The following RBFOX2 variants were observed in gnomAD, a reference collection of about 807,000 sequenced individuals.
The protein encoded by RBFOX2 is RNA binding fox-1 homolog 2, also known as RNA binding protein fox-1 homolog 2.
A neutral mutation model predicts 49.1 loss-of-function variants in RBFOX2; 10 were observed. The ratio of observed to expected loss-of-function variants is 0.20; its 90% CI spans 0.13 to 0.35. The LOEUF is 0.35. RBFOX2 is among the 10% of genes least tolerant of loss of function. RBFOX2 has a pLI of 1.00. For missense variants in RBFOX2, 323 were observed against 486.9 expected (o/e 0.66, Z 3.17); for synonymous variants, 183 against 187.4 (o/e 0.98, Z 0.19).
chr22:35,780,143 T>C (rs1944813726), intron 3 of RBFOX2, among the ~76,000 whole-genome samples: 1 of 152,168 alleles, frequency 6.6e-6, no homozygotes, highest in Non-Finnish European at 1.5e-5. Context: ...CCATTTTCTG[T>C]GTAAAAGCTC....
At chr22:35,855,956 G>C (rs138002365) in intron 1 of RBFOX2, among the ~76,000 whole-genome samples, 2 of 151,908 alleles carry the variant, frequency 1.3e-5, no homozygotes, top group East Asian at 3.9e-4. Context: ...GCAGTGAGCT[G>C]AGATTGTGCC....
intron 1 of RBFOX2, chr22:35,897,746 T>C: frequency 1.3e-6 from 1 of 787,712 alleles, no homozygotes; most frequent in Non-Finnish European, 2.3e-6. Context: ...AACCAACACA[T>C]ATTTGCAAAA....
At chr22:35,994,413 A>ATTTTTTT (rs566321525) in intron 1 of RBFOX2, 1 of 149,848 alleles carries the variant, frequency 6.7e-6, no homozygotes, top group African/African-American at 2.5e-5. Flanking sequence ...TTATTTATTT[A>ATTTTTTT]TTTATTTTTT....
chr22:36,013,626 A>AAT (rs1569523288), intron 1 of RBFOX2, among the ~76,000 whole-genome samples: 1 of 146,076 alleles, frequency 6.8e-6, no homozygotes, highest in African/African-American at 2.6e-5. Flanking sequence ...GCATCACACA[A>AAT]ACACACACAC....
At chr22:35,823,420 A>T (rs1954961376) in intron 1 of RBFOX2, among the ~76,000 whole-genome samples, 1 of 152,206 alleles carries the variant, frequency 6.6e-6, no homozygotes, top group Non-Finnish European at 1.5e-5. Flanking sequence ...GCTTTTCCAG[A>T]AATTTAATAA....
intron 1 of RBFOX2, among the ~76,000 whole-genome samples, chr22:35,922,779 G>A (rs562319620): frequency 2.6e-5 from 4 of 152,100 alleles, no homozygotes; most frequent in Non-Finnish European, 5.9e-5. Flanking sequence ...AGTTTTACTA[G>A]AATAGAGCCA....
chr22:35,776,294 T>C (rs746163215), intron 4 of RBFOX2, among the ~76,000 whole-genome samples: 4 of 152,240 alleles, frequency 2.6e-5, no homozygotes, highest in Non-Finnish European at 5.9e-5. Flanking sequence ...GGTTGCAGTC[T>C]GAATAGACTT....
chr22:35,887,916 G>A (rs1045937341), intron 1 of RBFOX2, among the ~76,000 whole-genome samples: 8 of 152,066 alleles, frequency 5.3e-5, no homozygotes, highest in Non-Finnish European at 2.9e-5. Flanking sequence ...TTTGACCCCT[G>A]TGGCAATTCT....
chr22:35,957,996 T>C (rs142949313), intron 1 of RBFOX2, among the ~76,000 whole-genome samples: 127 of 152,262 alleles, frequency 8.3e-4, no homozygotes, highest in Admixed American at 1.2e-3. Context: ...CCTCAGAGTA[T>C]AAAAGAAATA....
At chr22:35,840,076 GTCTGT>G in intron 1 of RBFOX2, 2 of 1,369,530 alleles carry the variant, frequency 1.5e-6, no homozygotes, top group African/African-American at 2.9e-5. Flanking sequence ...AATAAATCTG[GTCTGT>G]TCTAAGAAGA....
At position 35,908,454 on chromosome 22, in the gene RBFOX2, C is replaced by T. The variant is rs564259158; in HGVS notation, c.-34+30393G>A. On this transcript the variant is annotated intron_variant, in intron 1 of 13. Transcript: ENST00000359369. The stretch of plus-strand genomic sequence containing the variant: ...TTGGGTAAAATCATTTAACACAATG[C>T]CTATTTTATAATAAAGTGTTGAATA... Among the ~76,000 whole-genome samples, 16 of 152,132 alleles carry T rather than the reference C, an allele frequency of 1.1e-4. No homozygotes were observed. In the South Asian group the frequency reaches 2.3e-3, roughly 22 times the overall value.
intron 1 of RBFOX2, among the ~76,000 whole-genome samples, chr22:35,927,125 G>GTTA (rs1402651436): frequency 6.6e-6 from 1 of 152,156 alleles, no homozygotes; most frequent in African/African-American, 2.4e-5. Context: ...ATACAGACAT[G>GTTA]TTAAACGATT....
At chr22:35,775,198 C>A (rs1306966671) in intron 4 of RBFOX2, among the ~76,000 whole-genome samples, 1 of 152,092 alleles carries the variant, frequency 6.6e-6, no homozygotes, top group Non-Finnish European at 1.5e-5. Context: ...GGGTTTGATT[C>A]CAAAATAAAT....
intron 2 of RBFOX2, among the ~76,000 whole-genome samples, chr22:35,783,701 T>C (rs1006956187): frequency 1.3e-5 from 2 of 152,154 alleles, no homozygotes; most frequent in East Asian, 3.8e-4. Flanking sequence ...GGTCTTCTGA[T>C]GAGAAAGCCA....
intron 1 of RBFOX2, among the ~76,000 whole-genome samples, chr22:35,921,824 C>T (rs573124214): frequency 9.2e-4 from 140 of 152,316 alleles, no homozygotes; most frequent in African/African-American, 3.2e-3. Flanking sequence ...AGTTCTGTGC[C>T]TGTCTGGTAA....
rs939277423 is a variant in RBFOX2 at position 36,015,226 on chromosome 22, G to A, written c.186+13014C>T. Among the ~76,000 whole-genome samples, 5 of 152,206 alleles carry A rather than the reference G, an allele frequency of 3.3e-5. 1 individual carries two copies. In the South Asian group the frequency reaches 1.0e-3, roughly 31 times the overall value. Reference sequence around the variant, plus strand: ...GTCATGTATGAAACTATGACTTCTAGTTCAAATATAACACAAAACATAGTA... The same window carrying A: ...GTCATGTATGAAACTATGACTTCTAATTCAAATATAACACAAAACATAGTA... On this transcript the variant is annotated intron_variant, in intron 1 of 13. Coordinates refer to the RBFOX2 transcript ENST00000438146.
chr22:35,963,733 T>C (rs779647237), upstream of RBFOX2, among the ~76,000 whole-genome samples: 9 of 152,124 alleles, frequency 5.9e-5, no homozygotes, highest in Non-Finnish European at 1.3e-4. Context: ...CACTAGTATA[T>C]ATTCTTTTTG....
chr22:35,994,400 T>TATTG (rs2058101471), intron 1 of RBFOX2: 1 of 150,044 alleles, frequency 6.7e-6, no homozygotes, highest in African/African-American at 2.5e-5. Flanking sequence ...TTTATTTATT[T>TATTG]ATTTATTTAT....
intron 9 of RBFOX2, among the ~76,000 whole-genome samples, chr22:35,750,234 G>A (rs892024696): frequency 6.6e-6 from 1 of 152,124 alleles, no homozygotes; most frequent in Non-Finnish European, 1.5e-5. Context: ...GAGATTTAGA[G>A]TGAGATGTTA....
Sources: gnomAD v4.1 joint callset for allele counts (sites outside exome capture counted in the v4.1 genomes callset) on GRCh38, gnomAD v4.1.1 for gene constraint, MANE v1.5 for transcripts, NCBI Gene and HGNC (gene_info 2026-07-23, HGNC 2026-07-21) for gene names.